SPART: variants seen among roughly 807,000 people sequenced by gnomAD.
SPART encodes the protein spartin.
SPART carries 35 observed loss-of-function variants against 58.7 expected under a neutral mutation model. That is an observed-to-expected ratio of 0.60 (90% CI 0.46 to 0.79). SPART has a LOEUF of 0.79. Among genes scored for constraint, SPART ranks in the 30% least tolerant of loss-of-function variants. The probability of loss-of-function intolerance (pLI) is 0.00; values close to 1 mark genes in which losing one functional copy is unlikely to be tolerated. For synonymous variants in SPART, 284 were observed against 280.7 expected (o/e 1.01, Z -0.12); for missense variants, 730 against 786.1 (o/e 0.93, Z 0.85).
chr13:36,309,811 C>T (rs755076963), intron 8 of SPART, among the ~76,000 whole-genome samples: 5 of 152,062 alleles, frequency 3.3e-5, no homozygotes, highest in Non-Finnish European at 7.4e-5. Context: ...ATCATTTGTA[C>T]CCCAAACCTC....
intron 2 of SPART, 70 bp from the exon 3 acceptor site, chr13:36,331,666 T>C (rs1883479827): frequency 1.7e-6 from 2 of 1,181,732 alleles, no homozygotes; most frequent in South Asian, 2.9e-5. Context: ...ATTTATGTTT[T>C]AATAAAATTG....
chr13:36,355,331 A>G (rs1885579942), intron 1 of SPART, among the ~76,000 whole-genome samples: 2 of 152,104 alleles, frequency 1.3e-5, no homozygotes, highest in East Asian at 3.9e-4. Context: ...TAGCTCTACA[A>G]CATGTATTTT....
At chr13:36,366,723 C>T (rs1211212932) in intron 1 of SPART, among the ~76,000 whole-genome samples, 2 of 152,188 alleles carry the variant, frequency 1.3e-5, no homozygotes. Flanking sequence ...TTTCTTCCTT[C>T]TGTCTTTGCC....
At position 36,303,454 on chromosome 13, in the gene SPART, C is replaced by G. The variant is rs1297202118; in HGVS notation, c.*911G>C. ...TACCCTGATTATGAATAGAACCTTT[C>G]CTTTTTAATAACTTGTCTTTTAATA... is the stretch of plus-strand genomic sequence containing the variant. On this transcript the variant is annotated 3_prime_UTR_variant, in exon 9 of 9. Transcript: ENST00000438666. 1 of 152,032 alleles carries G rather than the reference C, an allele frequency of 6.6e-6. No individual in the cohort carries two copies. Among genetic ancestry groups the G allele is most frequent in the Non-Finnish European group, 1.5e-5 (1 of 67,964 alleles). The allele number at this position is 152,032 out of a possible 1,614,324, so 9.4% of individuals were successfully genotyped here. A position where few individuals can be genotyped will look rare whatever the true frequency, so the allele number is the denominator to read the frequency against.
chr13:36,332,526 TAAG>T (rs1018561898), intron 2 of SPART, among the ~76,000 whole-genome samples: 6 of 152,030 alleles, frequency 3.9e-5, no homozygotes, highest in African/African-American at 1.2e-4. Context: ...AATGAATAAA[TAAG>T]AAATTCAGCA....
chr13:36,360,273 T>TAAAA, intron 1 of SPART, among the ~76,000 whole-genome samples: 1 of 5,446 alleles, frequency 1.8e-4, no homozygotes, highest in African/African-American at 2.4e-3. Flanking sequence ...CCAGCCTGGG[T>TAAAA]GGAGAAAATT....
rs890175150 is a variant in SPART at position 36,303,605 on chromosome 13, C to T, written c.*760G>A. 1 of 152,054 alleles carries T rather than the reference C, an allele frequency of 6.6e-6. No individual in the cohort carries two copies. Among genetic ancestry groups the T allele is most frequent in the Non-Finnish European group, 1.5e-5 (1 of 67,938 alleles). 9.4% of individuals were successfully genotyped at this position (152,054 alleles called of 1,614,324 possible). ...AGAAGCAGATATGATAAAATAATTT[C>T]TTGAAGTACTTTTTTAATCCAATTA... On this transcript the variant is annotated 3_prime_UTR_variant, in exon 9 of 9. Coordinates refer to ENST00000438666, the MANE Select transcript of SPART (RefSeq NM_015087.5).
chr13:36,317,184 C>G (rs140981206), intron 5 of SPART, among the ~76,000 whole-genome samples: 235 of 152,288 alleles, frequency 1.5e-3, no homozygotes, highest in Non-Finnish European at 2.4e-3. Context: ...GGTGTTAGAC[C>G]ACGCAGGGAT....
chr13:36,337,103 T>C (rs944851079), intron 1 of SPART, among the ~76,000 whole-genome samples: 2 of 152,230 alleles, frequency 1.3e-5, no homozygotes, highest in African/African-American at 2.4e-5. Context: ...TCCCCACTTA[T>C]GTATAGTTTC....
chr13:36,329,473 AG>A lies in SPART; in HGVS notation c.1052del (p.Pro351LeufsTer11). On this transcript the variant is annotated frameshift_variant, in exon 4 of 9. Coordinates refer to ENST00000438666, the MANE Select transcript of SPART (RefSeq NM_015087.5). LOFTEE classifies it high-confidence loss of function. ...GGTCAGAGGAGGGTCTAGTTCTTCC[AG>A]GGATTTGGAATTCATTTTCTTCTTC... The part of the protein sequence containing the change: ...RAEEENEFQI[P>X]GRTRPSSDQL... 1 of 1,614,140 alleles carries A rather than the reference AG, an allele frequency of 6.2e-7. No individual in the cohort carries two copies. Among genetic ancestry groups the A allele is most frequent in the Non-Finnish European group, 8.5e-7 (1 of 1,180,016 alleles).
chr13:36,330,399 G>A (rs966477841), intron 3 of SPART, among the ~76,000 whole-genome samples: 3 of 149,658 alleles, frequency 2.0e-5, no homozygotes, highest in Non-Finnish European at 3.0e-5. Context: ...GGTCATTCTC[G>A]GGTGAACAGG....
Position 36,329,395 on chromosome 13 carries a change from C to T in SPART, c.1131G>A (p.Lys377=), listed in dbSNP as rs770949994. 2 of 1,614,118 alleles carry T rather than the reference C, an allele frequency of 1.2e-6. No individual in the cohort carries two copies. The highest frequency in any genetic ancestry group is 1.7e-6 in the Non-Finnish European group (2 of 1,180,020). The change falls in exon 4 of 9, where the codon AAG becomes AAA. Residue 377 remains lysine, a synonymous_variant. Coordinates refer to ENST00000438666, the MANE Select transcript of SPART (RefSeq NM_015087.5). ...TDVKQLDQGN[K]DVRHKGKRGK... is the part of the protein sequence containing the mutation. ...CACGTTTTCCTTTATGACGTACATCCTTATTGCCTTGGTCCAACTGTTTCA... is the reference window on the plus strand; with the variant it reads ...CACGTTTTCCTTTATGACGTACATCTTTATTGCCTTGGTCCAACTGTTTCA...
chr13:36,318,928 C>G (rs1220398753), intron 5 of SPART, among the ~76,000 whole-genome samples: 7 of 152,234 alleles, frequency 4.6e-5, no homozygotes, highest in Non-Finnish European at 8.8e-5. Context: ...TGACACTGCC[C>G]GATCGCCTCG....
At chr13:36,369,300 C>T (rs1321591728) in intron 1 of SPART, among the ~76,000 whole-genome samples, 3 of 152,104 alleles carry the variant, frequency 2.0e-5, no homozygotes, top group Admixed American at 6.5e-5. Flanking sequence ...CCTAGATGTC[C>T]TATAACTGAT....
chr13:36,326,229 C>T (rs760868796), intron 5 of SPART: 56 of 333,496 alleles, frequency 1.7e-4, no homozygotes, highest in Non-Finnish European at 2.8e-4. Context: ...ATTCAGACCA[C>T]AGCTGAGGGA....
rs1161630783 is a variant in SPART, at chr13:36,302,973, T to C, written c.*1392A>G. On this transcript the variant is annotated 3_prime_UTR_variant, in exon 9 of 9. Coordinates refer to ENST00000438666, the MANE Select transcript of SPART (RefSeq NM_015087.5). ...AATTTTTAGCTCCCACAAATGAGAA[T>C]ATATGAAGTGCCATTCCATTTCTTA... 1 of 152,194 alleles carries C rather than the reference T, an allele frequency of 6.6e-6. No homozygotes were observed. Among genetic ancestry groups the C allele is most frequent in the Admixed American group, 6.5e-5 (1 of 15,280 alleles). 9.4% of individuals were successfully genotyped at this position (152,194 alleles called of 1,614,324 possible).
chr13:36,310,014 GAGC>G (rs1280544262), intron 8 of SPART, among the ~76,000 whole-genome samples: 3 of 152,216 alleles, frequency 2.0e-5, no homozygotes, highest in Non-Finnish European at 4.4e-5. Context: ...TAGCACTGTA[GAGC>G]ACAGGTTCTG....
At chr13:36,328,773 ATC>A (rs1291667686) in intron 4 of SPART, among the ~76,000 whole-genome samples, 1 of 152,130 alleles carries the variant, frequency 6.6e-6, no homozygotes, top group Non-Finnish European at 1.5e-5. Flanking sequence ...TTTAAATCAA[ATC>A]TCTGTCCTGT....
intron 1 of SPART, among the ~76,000 whole-genome samples, chr13:36,352,559 G>A (rs1885458077): frequency 6.6e-6 from 1 of 152,096 alleles, no homozygotes; most frequent in Non-Finnish European, 1.5e-5. Flanking sequence ...ACAGATAAAT[G>A]AGAGAATACT....
Sources: allele counts gnomAD v4.1 joint callset (sites outside exome capture counted in the v4.1 genomes callset), GRCh38; gene constraint gnomAD v4.1.1; transcripts MANE v1.5; gene names NCBI Gene and HGNC (gene_info 2026-07-23, HGNC 2026-07-21).